The following OSBPL1A variants were observed in gnomAD, a reference collection of about 807,000 sequenced individuals.
OSBPL1A encodes oxysterol-binding protein-related protein 1.
In OSBPL1A, 80 loss-of-function variants were observed where a neutral mutation model predicts 137.1. That is an observed-to-expected ratio of 0.58 (90% CI 0.49 to 0.70). The LOEUF (loss-of-function observed/expected upper bound fraction) is 0.70, where lower values mean the gene tolerates loss of function less well. OSBPL1A is among the 30% of genes least tolerant of loss of function. OSBPL1A has a pLI of 0.00. For missense variants in OSBPL1A, 970 were observed against 1,129.4 expected, an observed-to-expected ratio of 0.86 and a Z score of 2.02; for synonymous variants, 365 against 389.7, an observed-to-expected ratio of 0.94 and a Z score of 0.75.
intron 7 of OSBPL1A, among the ~76,000 whole-genome samples, chr18:24,332,560 A>AAATAG (rs2091100790): frequency 7.2e-6 from 1 of 138,720 alleles, no homozygotes. Context: ...AATATGTATT[A>AAATAG]AATAGAAACA....
Position 24,364,609 on chromosome 18 carries a change from T to C in OSBPL1A, c.282+2283A>G, listed in dbSNP as rs139242623. Among the ~76,000 whole-genome samples the C allele has an allele frequency of 2.5e-3, 373 of 151,654 alleles. 3 individuals are homozygous for C. The highest frequency in any genetic ancestry group is 8.9e-3 in the African/African-American group (365 of 41,070). The stretch of plus-strand genomic sequence containing the variant: ...GTCTCTAAAACAAACAAACAATTTT[T>C]TTTTAATTTTTTTTTTTTAACTCAG... On this transcript the variant is annotated intron_variant, in intron 4 of 27. Coordinates refer to ENST00000319481, the MANE Select transcript of OSBPL1A (RefSeq NM_080597.4).
intron 17 of OSBPL1A, among the ~76,000 whole-genome samples, chr18:24,222,539 A>G (rs1224056719): frequency 6.6e-6 from 1 of 152,162 alleles, no homozygotes; most frequent in Non-Finnish European, 1.5e-5. Flanking sequence ...AGCTCTGTAA[A>G]TATAAACCTG....
intron 14 of OSBPL1A, among the ~76,000 whole-genome samples, chr18:24,288,064 A>G (rs2090101249): frequency 6.6e-6 from 1 of 152,220 alleles, no homozygotes; most frequent in African/African-American, 2.4e-5. Context: ...AAATGGAAAC[A>G]GGAAGCATTA....
chr18:24,220,194 T>A (rs553076287), intron 17 of OSBPL1A, among the ~76,000 whole-genome samples: 1 of 152,374 alleles, frequency 6.6e-6, no homozygotes, highest in East Asian at 1.9e-4. Context: ...ACAGTCCGCC[T>A]ACACCACAGC....
intron 1 of OSBPL1A, among the ~76,000 whole-genome samples, chr18:24,380,248 GC>G (rs1230172294): frequency 1.3e-5 from 2 of 152,158 alleles, no homozygotes; most frequent in Non-Finnish European, 2.9e-5. Flanking sequence ...CAGGGGTGTA[GC>G]TCACCAAAAT....
intron 7 of OSBPL1A, among the ~76,000 whole-genome samples, chr18:24,321,502 T>C (rs1210845014): frequency 2.0e-5 from 3 of 152,194 alleles, no homozygotes; most frequent in African/African-American, 4.8e-5. Flanking sequence ...TTCACCAGGT[T>C]AGTCTCAAAT....
At chr18:24,227,938 T>C (rs1031506813) in intron 16 of OSBPL1A, among the ~76,000 whole-genome samples, 3 of 152,182 alleles carry the variant, frequency 2.0e-5, no homozygotes, top group Admixed American at 2.0e-4. Flanking sequence ...GTGTTTGCAA[T>C]TTAAGAGACA....
chr18:24,378,772 G>A (rs73396211), intron 1 of OSBPL1A, among the ~76,000 whole-genome samples: 1 of 152,140 alleles, frequency 6.6e-6, no homozygotes, highest in African/African-American at 2.4e-5. Flanking sequence ...TTCTTATGCA[G>A]GCAAGCCAGG....
At chr18:24,380,282 A>G (rs1906486884) in intron 1 of OSBPL1A, among the ~76,000 whole-genome samples, 1 of 152,244 alleles carries the variant, frequency 6.6e-6, no homozygotes, top group African/African-American at 2.4e-5. Context: ...GAAGAGGAAG[A>G]CATTAGCAAA....
chr18:24,193,716 G>A (rs1341719738), intron 18 of OSBPL1A, among the ~76,000 whole-genome samples: 1 of 152,106 alleles, frequency 6.6e-6, no homozygotes, highest in Non-Finnish European at 1.5e-5. Flanking sequence ...ATGAACCTCA[G>A]CAGAAAGAAG....
In OSBPL1A at chr18:24,168,477, G is replaced by A. The variant is rs190014770; in HGVS notation, c.2419-1032C>T. Among the ~76,000 whole-genome samples, 11 of 152,254 alleles carry A rather than the reference G, an allele frequency of 7.2e-5. No individual in the cohort carries two copies. The East Asian group carries it at 1.3e-3, about 19-fold the overall frequency. On this transcript the variant is annotated intron_variant, in intron 24 of 27. Coordinates refer to ENST00000319481, the MANE Select transcript of OSBPL1A (RefSeq NM_080597.4). Reference sequence around the variant, plus strand: ...AAATACAGGGAGCCAGCATTTCCTCGGGCTCCCCTCTCCGCGGCCCAGCTA... The same window carrying A: ...AAATACAGGGAGCCAGCATTTCCTCAGGCTCCCCTCTCCGCGGCCCAGCTA...
chr18:24,364,242 T>C (rs1358214846), intron 4 of OSBPL1A, among the ~76,000 whole-genome samples: 3 of 152,160 alleles, frequency 2.0e-5, no homozygotes, highest in African/African-American at 4.8e-5. Context: ...CCCAGGCTGC[T>C]GGGAAACTCC....
intron 17 of OSBPL1A, among the ~76,000 whole-genome samples, chr18:24,197,296 G>T (rs947248889): frequency 6.6e-6 from 1 of 152,112 alleles, no homozygotes; most frequent in East Asian, 1.9e-4. Context: ...GCAGTGAGCC[G>T]AGGTCACGCC....
intron 5 of OSBPL1A, among the ~76,000 whole-genome samples, chr18:24,338,347 T>C (rs1270251425): frequency 6.6e-6 from 1 of 152,034 alleles, no homozygotes; most frequent in African/African-American, 2.4e-5. Context: ...CCCAAAGTGC[T>C]GGGATTACAG....
At chr18:24,316,686 T>C (rs2588566) in intron 11 of OSBPL1A, among the ~76,000 whole-genome samples, 87,680 of 151,962 alleles carry the variant, frequency 0.58, 26,569 homozygotes, top group African/African-American at 0.71. Context: ...ACTTTCACAT[T>C]CCTCTTTCAG....
intron 27 of OSBPL1A, among the ~76,000 whole-genome samples, chr18:24,163,999 G>C (rs1422566009): frequency 6.6e-6 from 1 of 152,002 alleles, no homozygotes; most frequent in South Asian, 2.1e-4. Context: ...CAAAGTGCTG[G>C]GATTACAGGT....
chr18:24,359,526 T>C (rs1008862172), intron 4 of OSBPL1A, among the ~76,000 whole-genome samples: 3 of 151,556 alleles, frequency 2.0e-5, no homozygotes, highest in African/African-American at 7.3e-5. Context: ...ACCCTGTCTC[T>C]ACAAAAGATT....
At chr18:24,203,845 AT>A (rs146605449) in intron 17 of OSBPL1A, among the ~76,000 whole-genome samples, 2,591 of 152,316 alleles carry the variant, frequency 0.017, 52 homozygotes, top group African/African-American at 0.052. Flanking sequence ...CTGCACGCAA[AT>A]TTGTTGATGT....
chr18:24,355,960 G>A (rs1387643548), intron 4 of OSBPL1A, among the ~76,000 whole-genome samples: 13 of 147,966 alleles, frequency 8.8e-5, no homozygotes, highest in Non-Finnish European at 1.9e-4. Context: ...ACTCCAGTTA[G>A]GGCAACAGAG....
Sources: gnomAD v4.1 joint callset for allele counts (sites outside exome capture counted in the v4.1 genomes callset) on GRCh38, gnomAD v4.1.1 for gene constraint, MANE v1.5 for transcripts, NCBI Gene and HGNC (gene_info 2026-07-23, HGNC 2026-07-21) for gene names.